RPA1: variants seen among roughly 807,000 people sequenced by gnomAD.
The protein encoded by RPA1 is replication protein A1, also known as replication protein A 70 kDa DNA-binding subunit.
Under a neutral mutation model 83.0 loss-of-function variants are expected in RPA1, and 49 were observed. The observed-to-expected ratio is 0.59, with a 90% CI of 0.47 to 0.75. RPA1 has a LOEUF of 0.75. Ranked by LOEUF, RPA1 falls within the 30% of genes least tolerant of loss-of-function variation. The pLI is 0.00. For synonymous variants in RPA1, 279 were observed against 281.8 expected, an observed-to-expected ratio of 0.99 and a Z score of 0.10; for missense variants, 693 against 776.1, an observed-to-expected ratio of 0.89 and a Z score of 1.27.
chr17:1,844,083 G>A, intron 3 of RPA1, 85 bp downstream of exon 3: 6 of 1,233,614 alleles, frequency 4.9e-6, no homozygotes, highest in Non-Finnish European at 7.0e-6. Flanking sequence ...TAATTTGGGG[G>A]CATTCGTGAA....
At chr17:1,856,335 G>A (rs965225549) in intron 5 of RPA1, among the ~76,000 whole-genome samples, 19 of 65,182 alleles carry the variant, frequency 2.9e-4, no homozygotes, top group African/African-American at 1.2e-3. Flanking sequence ...TGTGGCTCAC[G>A]CCCATAATCC....
At chr17:1,839,792 T>TTG (rs1485794116) in intron 1 of RPA1, among the ~76,000 whole-genome samples, 85 of 127,462 alleles carry the variant, frequency 6.7e-4, no homozygotes, top group African/African-American at 3.0e-3. Flanking sequence ...CAGCTAGTTT[T>TTG]TTTTTTTTTT....
intron 3 of RPA1, 64 bp downstream of exon 3, chr17:1,844,062 T>A: frequency 6.9e-7 from 1 of 1,446,428 alleles, no homozygotes; most frequent in East Asian, 2.3e-5. Context: ...CACCTGGTCC[T>A]TTGGTTGCCA....
intron 5 of RPA1, among the ~76,000 whole-genome samples, chr17:1,870,461 G>A (rs1486002376): frequency 6.6e-6 from 1 of 152,160 alleles, no homozygotes; most frequent in Non-Finnish European, 1.5e-5. Flanking sequence ...TAAAAATTGT[G>A]GTAAAATACT....
intron 1 of RPA1, among the ~76,000 whole-genome samples, chr17:1,831,882 A>T (rs1432120812): frequency 1.5e-5 from 2 of 131,376 alleles, no homozygotes; most frequent in African/African-American, 5.8e-5. Flanking sequence ...TACAGGCGTG[A>T]GCCACTGTGC....
intron 8 of RPA1, among the ~76,000 whole-genome samples, chr17:1,877,626 T>C (rs980470267): frequency 7.2e-5 from 11 of 152,188 alleles, no homozygotes; most frequent in African/African-American, 2.4e-4. Flanking sequence ...CAGTAGAAAG[T>C]AGTTTTCTAA....
In RPA1 at chr17:1,891,932, A is replaced by C; in HGVS notation, c.1651A>C (p.Lys551Gln). 3.7e-6 allele frequency: 6 copies of C among 1,601,180 alleles called. No homozygotes were observed. The highest frequency in any genetic ancestry group is 5.1e-6 in the Non-Finnish European group (6 of 1,169,572). The change falls in exon 15 of 17, where the codon AAA becomes CAA. Residue 551 changes from lysine (K) to glutamine (Q), a missense_variant. Transcript: ENST00000254719. ...GQNAAYLGEL[K>Q]DKNEQAFEEV... ...AAATGCTGCTTATCTTGGGGAATTAAAAGACAAGGTCAGCCACATATTTTA... is the reference window on the plus strand; with the variant it reads ...AAATGCTGCTTATCTTGGGGAATTACAAGACAAGGTCAGCCACATATTTTA...
intron 6 of RPA1, among the ~76,000 whole-genome samples, chr17:1,873,382 T>C (rs530244850): frequency 5.7e-4 from 87 of 152,314 alleles, no homozygotes; most frequent in African/African-American, 1.9e-3. Context: ...ATCTGGGAAG[T>C]CACCGTTGAA....
In RPA1 at chr17:1,844,115, T is replaced by A. The variant is rs1400670312; in HGVS notation, c.163+117T>A. 9.2e-6 allele frequency: 7 copies of A among 764,978 alleles called. No individual in the cohort carries two copies. The East Asian group carries it at 1.4e-4, about 15-fold the overall frequency. The allele number at this position is 764,978 out of a possible 1,614,324, so 47.4% of individuals were successfully genotyped here. A position where few individuals can be genotyped will look rare whatever the true frequency, so the allele number is the denominator to read the frequency against. On this transcript the variant is annotated intron_variant, in intron 3 of 16. Coordinates refer to ENST00000254719, the MANE Select transcript of RPA1 (RefSeq NM_002945.5). Reference sequence around the variant, plus strand: ...TGAAGTCCGTACTTGCTTGGCTACGTACTTCATTCAGACAGAATTGCAGCT... The same window carrying A: ...TGAAGTCCGTACTTGCTTGGCTACGAACTTCATTCAGACAGAATTGCAGCT...
chr17:1,841,212 A>G (rs1331046461), intron 1 of RPA1, among the ~76,000 whole-genome samples: 1 of 152,210 alleles, frequency 6.6e-6, no homozygotes, highest in Non-Finnish European at 1.5e-5. Context: ...TTGCTAAATC[A>G]ACTTACTAGT....
At chr17:1,852,226 T>A (rs952123772) in intron 4 of RPA1, among the ~76,000 whole-genome samples, 2 of 152,174 alleles carry the variant, frequency 1.3e-5, no homozygotes, top group African/African-American at 4.8e-5. Context: ...TTATTGACAG[T>A]ACAGTCTAGT....
intron 16 of RPA1, among the ~76,000 whole-genome samples, chr17:1,895,906 A>T (rs1202938848): frequency 6.6e-6 from 1 of 151,204 alleles, no homozygotes; most frequent in Non-Finnish European, 1.5e-5. Flanking sequence ...CTGGTCTCGA[A>T]CTCCTGACCT....
intron 12 of RPA1, 113 bp downstream of exon 12, chr17:1,880,804 G>A: frequency 2.8e-6 from 4 of 1,414,682 alleles, no homozygotes; most frequent in South Asian, 2.6e-5. Flanking sequence ...CCTGAGTGGT[G>A]CAGCTTCCGT....
chr17:1,862,111 C>T (rs985880449), intron 5 of RPA1, among the ~76,000 whole-genome samples: 5 of 151,278 alleles, frequency 3.3e-5, no homozygotes, highest in Non-Finnish European at 7.4e-5. Flanking sequence ...CCAGGATGGT[C>T]TCCATCTCCT....
At chr17:1,847,746 C>T (rs1231722363) in intron 4 of RPA1, among the ~76,000 whole-genome samples, 1 of 152,128 alleles carries the variant, frequency 6.6e-6, no homozygotes, top group Non-Finnish European at 1.5e-5. Flanking sequence ...ATTGGCCAGG[C>T]ACAGTGGCTC....
chr17:1,853,050 T>C (rs760861157), intron 4 of RPA1, 51 bp from the exon 5 acceptor site: 2 of 1,423,522 alleles, frequency 1.4e-6, no homozygotes. Flanking sequence ...TAGCTTATCA[T>C]TTGAACAGAA....
chr17:1,841,716 G>A (rs962522821), intron 1 of RPA1, among the ~76,000 whole-genome samples: 2 of 152,120 alleles, frequency 1.3e-5, no homozygotes, highest in African/African-American at 2.4e-5. Flanking sequence ...CCCAATCTTA[G>A]TAGCATATTA....
intron 16 of RPA1, among the ~76,000 whole-genome samples, chr17:1,895,681 A>ATTTG (rs1914389513): frequency 2.7e-5 from 4 of 149,650 alleles, no homozygotes; most frequent in African/African-American, 9.8e-5. Flanking sequence ...TTATTTATTT[A>ATTTG]TTTATTTATT....
intron 7 of RPA1, among the ~76,000 whole-genome samples, chr17:1,876,954 G>A (rs1217772378): frequency 6.6e-6 from 1 of 152,170 alleles, no homozygotes; most frequent in Non-Finnish European, 1.5e-5. Flanking sequence ...ATGCTTTTTG[G>A]AGAAGGGAGA....
Sources: gnomAD v4.1 joint callset for allele counts (sites outside exome capture counted in the v4.1 genomes callset) on GRCh38, gnomAD v4.1.1 for gene constraint, MANE v1.5 for transcripts, NCBI Gene and HGNC (gene_info 2026-07-23, HGNC 2026-07-21) for gene names.